Variants in SEMA3D observed in about 807,000 individuals in gnomAD.
SEMA3D encodes semaphorin-3D.
A neutral mutation model predicts 100.1 loss-of-function variants in SEMA3D; 84 were observed. That is an observed-to-expected ratio of 0.84 (90% confidence interval 0.70 to 1.01). The LOEUF (loss-of-function observed/expected upper bound fraction) is 1.01, where lower values mean the gene tolerates loss of function less well. SEMA3D is among the 50% of genes least tolerant of loss of function. The probability of loss-of-function intolerance (pLI) is 0.00; values close to 1 mark genes in which losing one functional copy is unlikely to be tolerated. For missense variants in SEMA3D, 875 were observed against 934.1 expected (o/e 0.94, Z 0.82); for synonymous variants, 312 against 320.7 (o/e 0.97, Z 0.29).
intron 2 of SEMA3D, among the ~76,000 whole-genome samples, chr7:85,132,484 G>A (rs1583954300): frequency 6.6e-6 from 1 of 151,856 alleles, no homozygotes; most frequent in African/African-American, 2.4e-5. Flanking sequence ...AAGAGTTGAA[G>A]TTGTCTCTGC....
At chr7:85,153,890 T>C (rs1790505852) in intron 1 of SEMA3D, among the ~76,000 whole-genome samples, 151 bp from the exon 2 acceptor site, 1 of 152,132 alleles carries the variant, frequency 6.6e-6, no homozygotes, top group Admixed American at 6.5e-5. Flanking sequence ...TCCCTCCCAC[T>C]TGTGGGAATG....
At chr7:85,030,127 ATATGGCTTTGTTTCAAATTT>A (rs1426137206) in intron 12 of SEMA3D, among the ~76,000 whole-genome samples, 2 of 151,890 alleles carry the variant, frequency 1.3e-5, no homozygotes, top group African/African-American at 4.8e-5. Context: ...TGTTCCTTAA[ATATGGCTTTGTTTCAAATTT>A]TTGAACCAAA....
At chr7:85,094,802 A>G (rs559002429) in intron 4 of SEMA3D, among the ~76,000 whole-genome samples, 64 of 152,034 alleles carry the variant, frequency 4.2e-4, no homozygotes, top group Non-Finnish European at 6.2e-4. Flanking sequence ...AGCCGAAGAG[A>G]GGCCTTACGG....
At chr7:85,019,680 A>G (rs180869875) in intron 14 of SEMA3D, among the ~76,000 whole-genome samples, 1 of 151,872 alleles carries the variant, frequency 6.6e-6, no homozygotes, top group African/African-American at 2.4e-5. Flanking sequence ...GCATGCCACA[A>G]TTGAGAGTTA....
intron 4 of SEMA3D, among the ~76,000 whole-genome samples, chr7:85,083,814 T>TA (rs1788136626): frequency 8.9e-6 from 1 of 112,736 alleles, no homozygotes; most frequent in East Asian, 2.8e-4. Flanking sequence ...GCCACTGCAC[T>TA]CCAGCCTGGG....
the SEMA3D span, among the ~76,000 whole-genome samples, chr7:85,222,958 A>T: frequency 3.3e-5 from 5 of 152,236 alleles, no homozygotes; most frequent in East Asian, 9.7e-4. Flanking sequence ...ATTGGTAAGC[A>T]AAAAACAAGT....
chr7:85,078,264 G>T (rs1238415804), intron 5 of SEMA3D, among the ~76,000 whole-genome samples: 1 of 150,922 alleles, frequency 6.6e-6, no homozygotes, highest in Non-Finnish European at 1.5e-5. Context: ...TTTAGTTTTA[G>T]ACTTTCTTGA....
At chr7:85,128,487 G>A (rs982127749) in intron 2 of SEMA3D, among the ~76,000 whole-genome samples, 8 of 151,900 alleles carry the variant, frequency 5.3e-5, no homozygotes, top group Non-Finnish European at 1.2e-4. Context: ...TTTTATTATT[G>A]AGATATGCTT....
chr7:85,225,099 TATATATAC>T, the SEMA3D span, among the ~76,000 whole-genome samples: 8 of 24,980 alleles, frequency 3.2e-4, no homozygotes, highest in African/African-American at 2.7e-3. Context: ...TATATATATA[TATATATAC>T]ATACATATAT....
chr7:85,122,565 A>G (rs940138595), intron 2 of SEMA3D, among the ~76,000 whole-genome samples: 1 of 152,186 alleles, frequency 6.6e-6, no homozygotes, highest in Non-Finnish European at 1.5e-5. Flanking sequence ...CACTGGTAGA[A>G]GCCTATACGT....
chr7:85,091,108 G>GGGAGGGAAAGAAGGAAGGAA (rs1788376864), intron 4 of SEMA3D, among the ~76,000 whole-genome samples: 1 of 144,958 alleles, frequency 6.9e-6, no homozygotes, highest in Admixed American at 7.0e-5. Context: ...GAGAGAGGGA[G>GGGAGGGAAAGAAGGAAGGAA]GGAGGGAAAG....
chr7:85,168,073 A>G (rs560186438), intron 1 of SEMA3D, among the ~76,000 whole-genome samples: 1 of 151,966 alleles, frequency 6.6e-6, no homozygotes, highest in Admixed American at 6.6e-5. Flanking sequence ...ATAATTGAAA[A>G]GTTTGACAGA....
At chr7:85,216,896 A>C in the SEMA3D span, among the ~76,000 whole-genome samples, 2 of 151,718 alleles carry the variant, frequency 1.3e-5, no homozygotes, top group African/African-American at 4.8e-5. Flanking sequence ...AAATTATATA[A>C]GCTTCAGGCT....
intron 3 of SEMA3D, among the ~76,000 whole-genome samples, chr7:85,099,972 G>A (rs1583922139): frequency 6.6e-6 from 1 of 151,980 alleles, no homozygotes; most frequent in East Asian, 1.9e-4. Context: ...TCTCCAGTCT[G>A]CAGCTTGTCT....
chr7:85,168,078 G>A (rs762903811), intron 1 of SEMA3D, among the ~76,000 whole-genome samples: 3 of 151,782 alleles, frequency 2.0e-5, no homozygotes, highest in Non-Finnish European at 4.4e-5. Context: ...TGAAAAGTTT[G>A]ACAGAATTTT....
chr7:85,241,305 A>G, the SEMA3D span, among the ~76,000 whole-genome samples: 1 of 151,554 alleles, frequency 6.6e-6, no homozygotes, highest in Non-Finnish European at 1.5e-5. Flanking sequence ...CCAGCATACC[A>G]TTTGATCCAG....
chr7:85,240,616 G>A, the SEMA3D span, among the ~76,000 whole-genome samples: 1 of 152,058 alleles, frequency 6.6e-6, no homozygotes, highest in African/African-American at 2.4e-5. Context: ...GAACATATCT[G>A]GGCCTGGTGT....
intron 1 of SEMA3D, among the ~76,000 whole-genome samples, chr7:85,179,756 G>A (rs183409602): frequency 6.6e-6 from 1 of 151,760 alleles, no homozygotes; most frequent in South Asian, 2.1e-4. Flanking sequence ...CCGCCTCCTG[G>A]GCTCACACCA....
intron 5 of SEMA3D, among the ~76,000 whole-genome samples, chr7:85,079,962 G>A (rs567948089): frequency 2.0e-5 from 3 of 152,298 alleles, no homozygotes; most frequent in Admixed American, 6.5e-5. Flanking sequence ...TACCAAAGCC[G>A]TGGGAGGAGA....
Sources: gnomAD v4.1 joint callset for allele counts (sites outside exome capture counted in the v4.1 genomes callset) on GRCh38, gnomAD v4.1.1 for gene constraint, MANE v1.5 for transcripts, NCBI Gene and HGNC (gene_info 2026-07-23, HGNC 2026-07-21) for gene names.